The following CLCA2 variants were observed in gnomAD, a reference collection of about 807,000 sequenced individuals.
CLCA2 encodes the protein calcium-activated chloride channel regulator 2.
Under a neutral mutation model 82.9 loss-of-function variants are expected in CLCA2, and 85 were observed. That is an observed-to-expected ratio of 1.03 (90% CI 0.86 to 1.23). CLCA2 has a LOEUF of 1.23. Ranked by LOEUF, CLCA2 falls within the 50% of genes most tolerant of loss-of-function variation. CLCA2 has a pLI of 0.00. For synonymous variants in CLCA2, 421 were observed against 391.7 expected (o/e 1.07, Z -0.88); for missense variants, 1,089 against 1,124.8 (o/e 0.97, Z 0.45).
At chr1:86,452,176 C>CTTTTTTTTTTTTTTT (rs753484167) in intron 12 of CLCA2, among the ~76,000 whole-genome samples, 2 of 43,946 alleles carry the variant, frequency 4.6e-5, no homozygotes, top group Non-Finnish European at 7.9e-5. Flanking sequence ...AACCTGGAAG[C>CTTTTTTTTTTTTTTT]TTTTTTTTTT....
At position 86,455,798 on chromosome 1, in the gene CLCA2, T is replaced by C. The variant is rs2101716144; in HGVS notation, c.*271T>C. ...AGGGAAGGGTAAAGTCGGACCAGTG[T>C]CAAGGAAAGTTTGTTTTATTGAGGT... is the stretch of plus-strand genomic sequence containing the variant. On this transcript the variant is annotated 3_prime_UTR_variant, in exon 14 of 14. Transcript: ENST00000370565. The C allele has an allele frequency of 1.6e-5, 3 of 190,916 alleles. No homozygotes were observed. The highest frequency in any genetic ancestry group is 7.0e-5 in the African/African-American group (3 of 43,134). 11.8% of individuals were successfully genotyped at this position (190,916 alleles called of 1,614,324 possible).
intron 5 of CLCA2, 79 bp from the exon 6 acceptor site, chr1:86,434,439 C>T: frequency 8.5e-7 from 1 of 1,173,198 alleles, no homozygotes; most frequent in Non-Finnish European, 1.2e-6. Context: ...TTTCTTTTAC[C>T]TATAGTTCCT....
chr1:86,435,420 G>A (rs772748978), intron 6 of CLCA2, among the ~76,000 whole-genome samples: 2 of 152,152 alleles, frequency 1.3e-5, no homozygotes, highest in Non-Finnish European at 2.9e-5. Flanking sequence ...GAAGTAAACT[G>A]TGAATTTGCA....
intron 11 of CLCA2, chr1:86,448,508 CT>C (rs1558117988): frequency 6.6e-6 from 1 of 152,252 alleles, no homozygotes; most frequent in Non-Finnish European, 1.5e-5. Context: ...AAACAAATTC[CT>C]TTGTTGTTCC....
intron 13 of CLCA2, among the ~76,000 whole-genome samples, chr1:86,454,329 C>T (rs528245028): frequency 6.6e-6 from 1 of 152,224 alleles, no homozygotes; most frequent in East Asian, 1.9e-4. Context: ...TCAGTAAGTA[C>T]CACAGCATTT....
Position 86,425,447 on chromosome 1 carries a change from A to C in CLCA2, c.295A>C (p.Ser99Arg). The change falls in exon 2 of 14, where the codon AGC becomes CGC. Residue 99 changes from serine to arginine, a missense_variant. By Grantham distance (110) the Ser-to-Arg change is moderately radical. Coordinates refer to ENST00000370565, the MANE Select transcript of CLCA2 (RefSeq NM_006536.7). ...TGCCACATGGAAAGCTAATAATAAC[A>C]GCAAAATAAAACAAGAATCATATGA... ...IPATWKANNN[S>R]KIKQESYEKA... 6.4e-7 allele frequency: 1 copy of C among 1,559,816 alleles called. No individual in the cohort carries two copies. The highest frequency in any genetic ancestry group is 8.7e-7 in the Non-Finnish European group (1 of 1,152,944).
At chr1:86,429,019 T>C (rs1445858583) in intron 3 of CLCA2, among the ~76,000 whole-genome samples, 1 of 152,080 alleles carries the variant, frequency 6.6e-6, no homozygotes, top group East Asian at 1.9e-4. Context: ...GAAACATACA[T>C]GAGGGCCAGG....
chr1:86,437,034 G>T (rs905694849), intron 6 of CLCA2, among the ~76,000 whole-genome samples: 1 of 152,178 alleles, frequency 6.6e-6, no homozygotes. Flanking sequence ...CTTAAACATG[G>T]TCTCAGAGTA....
intron 11 of CLCA2, among the ~76,000 whole-genome samples, chr1:86,450,223 A>G (rs1038130927): frequency 3.9e-5 from 6 of 152,244 alleles, no homozygotes; most frequent in African/African-American, 1.4e-4. Flanking sequence ...AAAAGGGTCA[A>G]TGACTATAAG....
At chr1:86,447,108 A>G (rs891067918) in intron 10 of CLCA2, among the ~76,000 whole-genome samples, 5 of 152,130 alleles carry the variant, frequency 3.3e-5, no homozygotes, top group African/African-American at 1.2e-4. Flanking sequence ...ATTTGATGTA[A>G]TTTTCTCAGT....
chr1:86,427,031 T>A (rs1296363876), intron 2 of CLCA2, among the ~76,000 whole-genome samples: 3 of 152,122 alleles, frequency 2.0e-5, no homozygotes, highest in South Asian at 4.1e-4. Flanking sequence ...AGAATGTCAA[T>A]TAAGCAAACA....
chr1:86,443,427 T>A (rs1198539312), intron 9 of CLCA2, among the ~76,000 whole-genome samples: 1 of 152,248 alleles, frequency 6.6e-6, no homozygotes, highest in Non-Finnish European at 1.5e-5. Flanking sequence ...TACAAATTAA[T>A]AAAATTTAAG....
At position 86,441,523 on chromosome 1, in the gene CLCA2, AT is replaced by A; in HGVS notation, c.1472del (p.Phe491SerfsTer20). 6.2e-7 allele frequency: 1 copy of A among 1,610,118 alleles called. No homozygotes were observed. Among genetic ancestry groups the A allele is most frequent in the Non-Finnish European group, 8.5e-7 (1 of 1,176,800 alleles). Reference protein sequence around the residue: ...FSRISSGTGDIFQQHIQLEST... With the variant: ...FSRISSGTGDXFQQHIQLEST... Reference sequence around the variant, plus strand: ...TAGAATTTCCTCTGGAACTGGAGACATTTTCCAGCAACATATTCAGGTCAGA... The same window carrying A: ...TAGAATTTCCTCTGGAACTGGAGACATTTCCAGCAACATATTCAGGTCAGA... On this transcript the variant is annotated frameshift_variant, in exon 9 of 14. Coordinates refer to ENST00000370565, the MANE Select transcript of CLCA2 (RefSeq NM_006536.7). LOFTEE classifies it high-confidence loss of function.
At position 86,443,971 on chromosome 1, in the gene CLCA2, C is replaced by A. The variant is rs1439851886; in HGVS notation, c.1673C>A (p.Thr558Asn). Residue 558 changes from threonine (T) to asparagine (N), a missense_variant, in exon 10 of 14, where the codon ACT becomes AAT. Transcript: ENST00000370565. ...YYTNNFITNL[T>N]FRTASLWIPG... ...ACAAATAATTTTATCACCAATCTAA[C>A]TTTTCGGACAGCTAGTCTTTGGATT... 6.2e-7 allele frequency: 1 copy of A among 1,613,480 alleles called. No individual in the cohort carries two copies. Among genetic ancestry groups the A allele is most frequent in the Non-Finnish European group, 8.5e-7 (1 of 1,179,414 alleles).
intron 11 of CLCA2, chr1:86,448,011 G>A (rs1295945589): frequency 1.9e-6 from 1 of 534,610 alleles, no homozygotes; most frequent in Middle Eastern, 5.1e-4. Context: ...GCAAAGGGTG[G>A]GAGGCAGCCG....
chr1:86,443,019 A>T (rs1307921475), intron 9 of CLCA2, among the ~76,000 whole-genome samples: 1 of 150,076 alleles, frequency 6.7e-6, no homozygotes. Flanking sequence ...CTTATTGTGA[A>T]TGGCTAAATA....
chr1:86,447,404 T>A (rs1414463910), intron 10 of CLCA2, 104 bp from the exon 11 acceptor site: 1 of 1,217,904 alleles, frequency 8.2e-7, no homozygotes, highest in Non-Finnish European at 1.2e-6. Context: ...AAGTGCAACA[T>A]CAACAAAACA....
At chr1:86,428,186 T>A (rs989793131) in intron 2 of CLCA2, among the ~76,000 whole-genome samples, 5 of 152,238 alleles carry the variant, frequency 3.3e-5, no homozygotes, top group African/African-American at 1.2e-4. Context: ...TTTCATAACA[T>A]AGACCTTTTT....
chr1:86,452,118 T>C (rs920941539), intron 12 of CLCA2, among the ~76,000 whole-genome samples: 1 of 151,750 alleles, frequency 6.6e-6, no homozygotes, highest in African/African-American at 2.4e-5. Context: ...TTAATTTTTG[T>C]TCTTTTTCTC....
Sources: allele counts gnomAD v4.1 joint callset (sites outside exome capture counted in the v4.1 genomes callset), GRCh38; gene constraint gnomAD v4.1.1; transcripts MANE v1.5; gene names NCBI Gene and HGNC (gene_info 2026-07-23, HGNC 2026-07-21).